RERE: variants seen among roughly 807,000 people sequenced by gnomAD.
RERE encodes the protein arginine-glutamic acid dipeptide repeats protein.
RERE carries 40 observed loss-of-function variants against 146.1 expected under a neutral mutation model. That is an observed-to-expected ratio of 0.27 (90% CI 0.21 to 0.36). The LOEUF (loss-of-function observed/expected upper bound fraction) is 0.36. RERE is among the 10% of genes least tolerant of loss of function. RERE has a pLI of 1.00. For synonymous variants in RERE, 1,003 were observed against 866.0 expected (o/e 1.16, Z -2.78); for missense variants, 1,933 against 2,138.7 (o/e 0.90, Z 1.90).
chr1:8,647,005 C>G (rs1325927040), intron 2 of RERE, among the ~76,000 whole-genome samples: 3 of 152,162 alleles, frequency 2.0e-5, no homozygotes, highest in Non-Finnish European at 4.4e-5. Context: ...ATAGTCCCTG[C>G]TACTCAGGAG....
At chr1:8,556,834 C>T (rs1646013444) in intron 5 of RERE, among the ~76,000 whole-genome samples, 1 of 151,982 alleles carries the variant, frequency 6.6e-6, no homozygotes, top group African/African-American at 2.4e-5. Context: ...ATGGATTAAG[C>T]ACAAATGGAA....
rs551095889 is a variant in RERE, at chr1:8,593,215, G to T, written c.522+21346C>A. ...ACCAAAGTTGTTAGGCACGGCTACT[G>T]GAAAAGCTCTGGAATGGGCCTAAAA... On this transcript the variant is annotated intron_variant, in intron 4 of 22. Transcript: ENST00000400908. Among the ~76,000 whole-genome samples the T allele has an allele frequency of 2.6e-5, 4 of 152,304 alleles. No homozygotes were observed. In the East Asian group the frequency reaches 7.7e-4, roughly 29 times the overall value.
intron 6 of RERE, among the ~76,000 whole-genome samples, chr1:8,552,852 G>A (rs779619053): frequency 2.8e-4 from 40 of 144,046 alleles, no homozygotes; most frequent in Non-Finnish European, 4.1e-4. Flanking sequence ...CCACACACAC[G>A]TGTGACCCTG....
At chr1:8,738,283 CTTTTT>C (rs544824181) in intron 1 of RERE, among the ~76,000 whole-genome samples, 1 of 151,418 alleles carries the variant, frequency 6.6e-6, no homozygotes, top group Non-Finnish European at 1.5e-5. Flanking sequence ...TGTTGTTGTT[CTTTTT>C]TTTTATTTTT....
intron 4 of RERE, among the ~76,000 whole-genome samples, chr1:8,589,478 T>C (rs915042111): frequency 2.6e-5 from 4 of 152,188 alleles, no homozygotes; most frequent in African/African-American, 9.7e-5. Context: ...AAGTAATAGA[T>C]AAAAACCAAA....
At chr1:8,665,905 C>T (rs1638560844) in intron 1 of RERE, among the ~76,000 whole-genome samples, 1 of 152,136 alleles carries the variant, frequency 6.6e-6, no homozygotes, top group Admixed American at 6.5e-5. Flanking sequence ...GTCATATATC[C>T]TAGCTATACC....
intron 4 of RERE, among the ~76,000 whole-genome samples, chr1:8,602,379 A>C (rs1295228076): frequency 2.2e-5 from 3 of 139,146 alleles, no homozygotes; most frequent in South Asian, 4.7e-4. Context: ...GACAAGAGTT[A>C]GACTCCATCT....
chr1:8,682,729 G>A (rs1047918212), intron 1 of RERE, among the ~76,000 whole-genome samples: 14 of 151,976 alleles, frequency 9.2e-5, no homozygotes, highest in African/African-American at 1.2e-4. Context: ...AAGAAATGCC[G>A]GCTCTAGTAC....
chr1:8,778,955 C>A (rs1030015456), intron 1 of RERE, among the ~76,000 whole-genome samples: 2 of 152,054 alleles, frequency 1.3e-5, no homozygotes, highest in Admixed American at 6.5e-5. Flanking sequence ...TCAAGCAATT[C>A]TCCTGACTCA....
At chr1:8,408,016 G>C (rs1557615961) in intron 12 of RERE, among the ~76,000 whole-genome samples, 1 of 152,158 alleles carries the variant, frequency 6.6e-6, no homozygotes, top group East Asian at 1.9e-4. Flanking sequence ...TACCTAGCTT[G>C]TTACCTTCTA....
At chr1:8,644,694 C>G (rs1322468425) in intron 2 of RERE, among the ~76,000 whole-genome samples, 2 of 152,136 alleles carry the variant, frequency 1.3e-5, no homozygotes, top group African/African-American at 2.4e-5. Flanking sequence ...TCCTTATGGA[C>G]TATGTTGCCC....
chr1:8,641,814 G>A (rs1305004193), intron 2 of RERE, among the ~76,000 whole-genome samples: 1 of 152,162 alleles, frequency 6.6e-6, no homozygotes, highest in African/African-American at 2.4e-5. Context: ...GTAATTCACT[G>A]TCTTTCCTCA....
At chr1:8,702,831 T>A (rs1034306496) in intron 1 of RERE, among the ~76,000 whole-genome samples, 9 of 152,210 alleles carry the variant, frequency 5.9e-5, no homozygotes, top group African/African-American at 1.9e-4. Flanking sequence ...AGTTTGGGGC[T>A]ACTTAAAAAC....
intron 4 of RERE, among the ~76,000 whole-genome samples, chr1:8,593,263 T>C (rs745959911): frequency 6.6e-6 from 1 of 152,222 alleles, no homozygotes; most frequent in Non-Finnish European, 1.5e-5. Context: ...TGTGCCCCTC[T>C]GATAAGGGTC....
At chr1:8,499,249 G>A (rs977624764) in intron 8 of RERE, among the ~76,000 whole-genome samples, 1 of 152,214 alleles carries the variant, frequency 6.6e-6, no homozygotes, top group Non-Finnish European at 1.5e-5. Flanking sequence ...GCAGCAGGCT[G>A]AATATAAGCC....
intron 1 of RERE, among the ~76,000 whole-genome samples, chr1:8,732,968 C>T (rs1252805268): frequency 6.6e-6 from 1 of 151,492 alleles, no homozygotes; most frequent in Non-Finnish European, 1.5e-5. Flanking sequence ...ACTACAGGCG[C>T]CCGCCACTAC....
chr1:8,724,709 A>G (rs1036065551), intron 1 of RERE, among the ~76,000 whole-genome samples: 93 of 151,976 alleles, frequency 6.1e-4, no homozygotes, highest in African/African-American at 2.2e-3. Flanking sequence ...AGCACCTGTA[A>G]TCCCAGCTAC....
chr1:8,565,312 A>G (rs6668393), intron 4 of RERE, among the ~76,000 whole-genome samples: 1 of 152,224 alleles, frequency 6.6e-6, no homozygotes, highest in Non-Finnish European at 1.5e-5. Context: ...ATACATATAT[A>G]CAATTATAAG....
chr1:8,408,060 G>C (rs2124451818), intron 12 of RERE, among the ~76,000 whole-genome samples: 1 of 152,276 alleles, frequency 6.6e-6, no homozygotes, highest in East Asian at 1.9e-4. Context: ...AGGCAGCCTT[G>C]GGAGGAAGAA....
Sources: gnomAD v4.1 joint callset for allele counts (sites outside exome capture counted in the v4.1 genomes callset) on GRCh38, gnomAD v4.1.1 for gene constraint, MANE v1.5 for transcripts, NCBI Gene and HGNC (gene_info 2026-07-23, HGNC 2026-07-21) for gene names.